Variants in ANKRD7 observed in about 807,000 individuals in gnomAD.
ANKRD7 encodes ankyrin repeat domain 7, also known as ankyrin repeat domain-containing protein 7.
A neutral mutation model predicts 30.8 loss-of-function variants in ANKRD7; 30 were observed. That is an observed-to-expected ratio of 0.97 (90% CI 0.73 to 1.32). The LOEUF (loss-of-function observed/expected upper bound fraction) is 1.32. ANKRD7 is among the 40% of genes most tolerant of loss of function. The pLI, the probability that ANKRD7 is intolerant of heterozygous loss-of-function variation, is 0.00. For missense variants in ANKRD7, 264 were observed against 295.7 expected (o/e 0.89, Z 0.79); for synonymous variants, 97 against 106.6 (o/e 0.91, Z 0.55).
chr7:118,238,003 C>G (rs1288427346), intron 5 of ANKRD7, among the ~76,000 whole-genome samples: 18 of 152,016 alleles, frequency 1.2e-4, no homozygotes, highest in Admixed American at 9.8e-4. Context: ...GTATATGAAA[C>G]TAGAAGACAC....
At chr7:118,241,071 G>C (rs1809828449) in intron 6 of ANKRD7, among the ~76,000 whole-genome samples, 1 of 147,264 alleles carries the variant, frequency 6.8e-6, no homozygotes, top group South Asian at 2.1e-4. Context: ...GGAGAATGGC[G>C]TGAACCCGGG....
At chr7:118,233,215 G>C (rs545219497) in intron 1 of ANKRD7, among the ~76,000 whole-genome samples, 3 of 152,046 alleles carry the variant, frequency 2.0e-5, no homozygotes, top group Non-Finnish European at 4.4e-5. Flanking sequence ...TTCTTTGTTC[G>C]TTCCTTAAAT....
At chr7:118,227,792 T>G (rs1809569568) in intron 1 of ANKRD7, 2 of 978,326 alleles carry the variant, frequency 2.0e-6, no homozygotes, top group South Asian at 3.9e-5. Flanking sequence ...AAAATATTTT[T>G]GGGAGTTTTC....
intron 4 of ANKRD7, among the ~76,000 whole-genome samples, chr7:118,236,407 C>T (rs1382485450): frequency 2.0e-5 from 3 of 152,042 alleles, no homozygotes; most frequent in Non-Finnish European, 4.4e-5. Flanking sequence ...TATTATTTAT[C>T]ATTTATTATT....
At chr7:118,226,345 G>A (rs1809541475) in intron 1 of ANKRD7, among the ~76,000 whole-genome samples, 2 of 152,122 alleles carry the variant, frequency 1.3e-5, no homozygotes, top group African/African-American at 2.4e-5. Flanking sequence ...AACAATGTAG[G>A]GGTTGGGGTG....
At chr7:118,238,800 G>A (rs1244044609) in intron 5 of ANKRD7, among the ~76,000 whole-genome samples, 1 of 152,188 alleles carries the variant, frequency 6.6e-6, no homozygotes, top group Non-Finnish European at 1.5e-5. Flanking sequence ...GTCCCTGACT[G>A]AGTTAATTGT....
At chr7:118,239,870 T>C (rs772640742) in intron 5 of ANKRD7, 39 bp from the exon 6 acceptor site, 3 of 1,375,408 alleles carry the variant, frequency 2.2e-6, no homozygotes, top group Non-Finnish European at 2.1e-6. Flanking sequence ...GAATTAAATT[T>C]CTATGCATGC....
chr7:118,241,521 CTTTTTTTTTTTTTTTT>C, intron 6 of ANKRD7, among the ~76,000 whole-genome samples: 1 of 84,554 alleles, frequency 1.2e-5, no homozygotes, highest in South Asian at 4.1e-4. Context: ...TCTGAATTAC[CTTTTTTTTTTTTTTTT>C]TTTTTTTTTT....
chr7:118,241,741 G>A (rs555836451), intron 6 of ANKRD7, among the ~76,000 whole-genome samples: 1 of 151,900 alleles, frequency 6.6e-6, no homozygotes, highest in African/African-American at 2.4e-5. Context: ...GTTTCACCAT[G>A]TTTGCCAGGC....
chr7:118,229,455 A>G (rs1477351747), intron 1 of ANKRD7, among the ~76,000 whole-genome samples: 3 of 152,164 alleles, frequency 2.0e-5, no homozygotes, highest in African/African-American at 7.2e-5. Flanking sequence ...TTGCTGATAT[A>G]TCCTCATCAC....
rs1403016978 is a variant in ANKRD7 at position 118,234,528 on chromosome 7, A to T, written c.277A>T (p.Lys93Ter). ...CKINVRDSEN[K>*]SPLIKAVQCQ... The stretch of plus-strand genomic sequence containing the variant: ...AATAAATGTCCGGGATAGTGAAAAC[A>T]AATCCCCATTGATTAAGGTATGCCA... The change falls in exon 2 of 7, where the codon AAA (lysine) becomes TAA (stop). Residue 93 changes from lysine (K) to a stop codon, truncating the protein, a stop_gained. Transcript: ENST00000265224. LOFTEE classifies it high-confidence loss of function. The T allele has an allele frequency of 1.2e-6, 2 of 1,610,830 alleles. No homozygotes were observed. The highest frequency in any genetic ancestry group is 3.4e-5 in the Admixed American group (2 of 59,522).
Position 118,239,993 on chromosome 7 carries a change from A to C in ANKRD7, c.*32A>C, listed in dbSNP as rs772554991. On this transcript the variant is annotated 3_prime_UTR_variant, in exon 6 of 7. Transcript: ENST00000265224. ...TATTCTTGGCACTACATGTGACTAA[A>C]GGAAGGTAAGATTGCTAACTGGATT... The C allele has an allele frequency of 6.6e-7, 1 of 1,507,238 alleles. No homozygotes were observed. Among genetic ancestry groups the C allele is most frequent in the East Asian group, 2.4e-5 (1 of 41,954 alleles). 93.4% of individuals were successfully genotyped at this position (1,507,238 alleles called of 1,614,324 possible).
At position 118,236,829 on chromosome 7, in the gene ANKRD7, T is replaced by G; in HGVS notation, c.615T>G (p.Cys205Trp). 1 of 1,614,032 alleles carries G rather than the reference T, an allele frequency of 6.2e-7. No homozygotes were observed. The highest frequency in any genetic ancestry group is 8.5e-7 in the Non-Finnish European group (1 of 1,179,918). ...TTGCTGTCAGTGGTGAACCACCATG[T>G]TTAGTAAAGCTTCTTCTTCAGCAAG... Reference protein sequence around the residue: ...LILAVSGEPPCLVKLLLQQGV... With the variant: ...LILAVSGEPPWLVKLLLQQGV... Residue 205 changes from cysteine to tryptophan, a missense_variant, in exon 5 of 7, where the codon TGT becomes TGG. Physicochemically the swap from Cys to Trp is radical, Grantham distance 215. Transcript: ENST00000265224.
chr7:118,230,515 GAATTGACTATA>G (rs1396975817), intron 1 of ANKRD7, among the ~76,000 whole-genome samples: 1 of 116,622 alleles, frequency 8.6e-6, no homozygotes, highest in Non-Finnish European at 2.2e-5. Flanking sequence ...TGACTGCAAA[GAATTGACTATA>G]AATTGACTAG....
intron 2 of ANKRD7, 74 bp from the exon 3 acceptor site, chr7:118,234,627 C>T (rs1189960299): frequency 1.9e-6 from 3 of 1,554,272 alleles, no homozygotes; most frequent in Admixed American, 1.9e-5. Context: ...TGTTTTAAAA[C>T]ATAGTATCAA....
intron 1 of ANKRD7, 136 bp downstream of exon 1, chr7:118,225,145 A>G (rs1318516062): frequency 1.0e-5 from 10 of 1,003,944 alleles, no homozygotes; most frequent in Non-Finnish European, 1.3e-5. Flanking sequence ...TCTGGTAACC[A>G]TTGGCAGAGG....
chr7:118,228,925 C>A (rs1317005029), intron 1 of ANKRD7, among the ~76,000 whole-genome samples: 6 of 152,156 alleles, frequency 3.9e-5, no homozygotes, highest in Admixed American at 1.3e-4. Context: ...TAATGTATGT[C>A]AAATGGTATT....
chr7:118,234,782 A>G lies in ANKRD7; in HGVS notation c.376A>G (p.Asn126Asp). 4 of 1,613,398 alleles carry G rather than the reference A, an allele frequency of 2.5e-6. No homozygotes were observed. The highest frequency in any genetic ancestry group is 3.4e-6 in the Non-Finnish European group (4 of 1,179,778). Residue 126 changes from asparagine (N) to aspartate (D), a missense_variant, in exon 3 of 7, where the codon AAT becomes GAT. By Grantham distance (23) the Asn-to-Asp change is conservative. Transcript: ENST00000265224. ...CCCAGATCTGAGGGATATTCGTTATAATACTGTTCTTCACTATGCTGTTTG... is the reference window on the plus strand; with the variant it reads ...CCCAGATCTGAGGGATATTCGTTATGATACTGTTCTTCACTATGCTGTTTG... ...ADPDLRDIRYNTVLHYAVCGQ... is the reference protein window; with the variant it reads ...ADPDLRDIRYDTVLHYAVCGQ...
At chr7:118,225,161 A>C in intron 1 of ANKRD7, 152 bp downstream of exon 1, 1 of 883,390 alleles carries the variant, frequency 1.1e-6, no homozygotes, top group Non-Finnish European at 1.7e-6. Flanking sequence ...AGAGGGTCCC[A>C]CTCCAACTTT....
Sources: gnomAD v4.1 joint callset for allele counts (sites outside exome capture counted in the v4.1 genomes callset) on GRCh38, gnomAD v4.1.1 for gene constraint, MANE v1.5 for transcripts, NCBI Gene and HGNC (gene_info 2026-07-23, HGNC 2026-07-21) for gene names.